The following CDH18 variants were observed in gnomAD, a reference collection of about 807,000 sequenced individuals.
CDH18 encodes cadherin-18.
A neutral mutation model predicts 67.9 loss-of-function variants in CDH18; 31 were observed. The ratio of observed to expected loss-of-function variants is 0.46; its 90% confidence interval spans 0.34 to 0.62. CDH18 has a LOEUF of 0.62. CDH18 is among the 20% of genes least tolerant of loss of function. CDH18 has a pLI of 0.01. For synonymous variants in CDH18, 362 were observed against 347.2 expected (o/e 1.04, Z -0.48); for missense variants, 890 against 975.5 (o/e 0.91, Z 1.17).
intron 1 of CDH18, among the ~76,000 whole-genome samples, chr5:20,432,863 A>G (rs928483830): frequency 6.6e-6 from 1 of 151,202 alleles, no homozygotes; most frequent in African/African-American, 2.4e-5. Context: ...AACCCCTAAA[A>G]GTGACATATT....
At chr5:19,849,609 CACGCATATATATATAAACATATATAT>C (rs2150067584) in intron 2 of CDH18, among the ~76,000 whole-genome samples, 1 of 86,868 alleles carries the variant, frequency 1.2e-5, no homozygotes, top group East Asian at 3.7e-4. Context: ...CATATATATA[CACGCATATATATATAAACATATATAT>C]ACACGCATAT....
intron 9 of CDH18, among the ~76,000 whole-genome samples, chr5:19,541,333 G>A (rs1273055448): frequency 6.6e-6 from 1 of 150,986 alleles, no homozygotes; most frequent in East Asian, 1.9e-4. Flanking sequence ...TCTCCAGGAT[G>A]TTCCAAACTT....
intron 2 of CDH18, among the ~76,000 whole-genome samples, chr5:20,061,564 T>C (rs899943104): frequency 1.3e-5 from 2 of 152,296 alleles, no homozygotes; most frequent in Admixed American, 6.5e-5. Flanking sequence ...TTTGAGTAAA[T>C]GTTTGCCAAA....
chr5:19,819,013 G>T (rs1223438832), intron 3 of CDH18, among the ~76,000 whole-genome samples: 1 of 151,508 alleles, frequency 6.6e-6, no homozygotes, highest in African/African-American at 2.4e-5. Flanking sequence ...ATTACATGTT[G>T]GAAAAAAATG....
chr5:19,600,025 G>T (rs1746832362), intron 6 of CDH18, among the ~76,000 whole-genome samples: 1 of 152,074 alleles, frequency 6.6e-6, no homozygotes, highest in African/African-American at 2.4e-5. Context: ...ATGCAACAGG[G>T]GAGCTCTTTA....
intron 1 of CDH18, among the ~76,000 whole-genome samples, chr5:20,525,717 G>C (rs920202404): frequency 2.6e-5 from 4 of 151,950 alleles, no homozygotes; most frequent in Admixed American, 6.6e-5. Context: ...AACTAGATTA[G>C]CAAAAGGTAA....
chr5:19,855,576 A>T (rs890231908), intron 2 of CDH18, among the ~76,000 whole-genome samples: 1 of 152,114 alleles, frequency 6.6e-6, no homozygotes, highest in African/African-American at 2.4e-5. Flanking sequence ...GCACCTCCCC[A>T]TCCCTCTGCT....
At chr5:19,748,122 AAAAAAAAAAAAG>A (rs1433909552) in intron 3 of CDH18, among the ~76,000 whole-genome samples, 6 of 143,460 alleles carry the variant, frequency 4.2e-5, no homozygotes, top group Non-Finnish European at 7.6e-5. Flanking sequence ...CAAAAAAAAA[AAAAAAAAAAAAG>A]AGTACTTTTT....
At chr5:20,372,616 A>G (rs1743092790) in intron 1 of CDH18, among the ~76,000 whole-genome samples, 2 of 152,208 alleles carry the variant, frequency 1.3e-5, no homozygotes, top group Non-Finnish European at 2.9e-5. Context: ...ATTTAGTTGT[A>G]TGATTATTAC....
intron 4 of CDH18, among the ~76,000 whole-genome samples, chr5:19,744,383 C>T (rs983245258): frequency 2.6e-5 from 4 of 152,116 alleles, no homozygotes; most frequent in African/African-American, 9.7e-5. Context: ...TTGACTTGTT[C>T]CCAAGTCCTC....
chr5:20,472,549 A>C (rs948505009), intron 1 of CDH18, among the ~76,000 whole-genome samples: 37 of 152,206 alleles, frequency 2.4e-4, no homozygotes, highest in African/African-American at 8.9e-4. Context: ...TCTGCTCTAA[A>C]AAAATAAAGT....
intron 2 of CDH18, among the ~76,000 whole-genome samples, chr5:19,864,117 T>C (rs1232674238): frequency 6.6e-6 from 1 of 150,466 alleles, no homozygotes; most frequent in Non-Finnish European, 1.5e-5. Flanking sequence ...AGCAAAGACT[T>C]GGAACCAACC....
Position 19,530,086 on chromosome 5 carries a change from T to C in CDH18, c.1391-9308A>G, listed in dbSNP as rs151222641. 5.9e-3 allele frequency among the ~76,000 whole-genome samples: 903 copies of C among 152,296 alleles called. 10 individuals are homozygous for C. The highest frequency in any genetic ancestry group is 0.015 in the African/African-American group (619 of 41,558). On this transcript the variant is annotated intron_variant, in intron 9 of 12. Transcript: ENST00000382275. ...ATCATAGCACCGTAGTATTAGTATA[T>C]ACATTGTCAGTGGTACCAATGAGAG...
chr5:20,351,191 T>TGTGCGCGCGCGCGC (rs1420969028), intron 1 of CDH18, among the ~76,000 whole-genome samples: 36 of 148,764 alleles, frequency 2.4e-4, no homozygotes, highest in African/African-American at 8.4e-4. Context: ...TGTGTGTGTG[T>TGTGCGCGCGCGCGC]GCGTGTGTGT....
intron 1 of CDH18, among the ~76,000 whole-genome samples, chr5:20,320,518 T>C (rs189441650): frequency 2.4e-4 from 37 of 152,298 alleles, no homozygotes; most frequent in African/African-American, 8.4e-4. Flanking sequence ...CAGAGGAAAA[T>C]AGAATGTTGT....
chr5:20,165,598 T>C (rs752111965), intron 2 of CDH18, among the ~76,000 whole-genome samples: 2 of 152,130 alleles, frequency 1.3e-5, no homozygotes, highest in Admixed American at 1.3e-4. Context: ...TTTAAATTCA[T>C]CCAATAGCTC....
At chr5:20,210,742 C>A (rs1331513635) in intron 2 of CDH18, among the ~76,000 whole-genome samples, 2 of 151,600 alleles carry the variant, frequency 1.3e-5, no homozygotes, top group African/African-American at 4.8e-5. Context: ...AAATATCTGG[C>A]CTTTGGACAT....
intron 2 of CDH18, among the ~76,000 whole-genome samples, chr5:19,958,835 A>G (rs1379766706): frequency 2.0e-5 from 3 of 152,004 alleles, no homozygotes; most frequent in African/African-American, 7.3e-5. Context: ...TCTTATGGAG[A>G]ATGTTTGGAC....
intron 2 of CDH18, among the ~76,000 whole-genome samples, chr5:20,045,997 G>T (rs1419368651): frequency 6.6e-6 from 1 of 152,030 alleles, no homozygotes; most frequent in Non-Finnish European, 1.5e-5. Context: ...ACAGGAAGGA[G>T]TATGATTTGA....
Sources: allele counts gnomAD v4.1 joint callset (sites outside exome capture counted in the v4.1 genomes callset), GRCh38; gene constraint gnomAD v4.1.1; transcripts MANE v1.5; gene names NCBI Gene and HGNC (gene_info 2026-07-23, HGNC 2026-07-21).